The following EPS15 variants were observed in gnomAD, a reference collection of about 807,000 sequenced individuals.
EPS15 encodes the protein epidermal growth factor receptor pathway substrate 15, also known as epidermal growth factor receptor substrate 15.
A neutral mutation model predicts 113.8 loss-of-function variants in EPS15; 72 were observed. That is an observed-to-expected ratio of 0.63 (90% CI 0.52 to 0.77). The LOEUF is 0.77. Among genes scored for constraint, EPS15 ranks in the 30% least tolerant of loss-of-function variants. EPS15 has a pLI of 0.00. For missense variants in EPS15, 1,048 were observed against 1,045.8 expected, an observed-to-expected ratio of 1.00 and a Z score of -0.03; for synonymous variants, 344 against 363.4, an observed-to-expected ratio of 0.95 and a Z score of 0.61.
chr1:51,477,297 G>C (rs772724305), intron 2 of EPS15, among the ~76,000 whole-genome samples: 1 of 151,810 alleles, frequency 6.6e-6, no homozygotes, highest in African/African-American at 2.4e-5. Context: ...ATCGGTGGTG[G>C]TATCCCCTTT....
chr1:51,504,261 T>C (rs1644460504), intron 1 of EPS15, among the ~76,000 whole-genome samples: 2 of 151,778 alleles, frequency 1.3e-5, no homozygotes, highest in Admixed American at 6.6e-5. Flanking sequence ...ATAAAAACAA[T>C]TAGCTGGGCA....
chr1:51,363,297 CAA>C (rs34317809), intron 23 of EPS15, among the ~76,000 whole-genome samples: 33 of 76,710 alleles, frequency 4.3e-4, no homozygotes, highest in African/African-American at 6.5e-4. Flanking sequence ...GATTCCATCT[CAA>C]AAAAAAAAAA....
At chr1:51,469,094 C>T (rs116054649) in intron 4 of EPS15, among the ~76,000 whole-genome samples, 4,911 of 151,996 alleles carry the variant, frequency 0.032, 127 homozygotes, top group Non-Finnish European at 0.05. Context: ...CGGGCTACTG[C>T]GCTCTAGCCT....
At chr1:51,435,832 G>C (rs1184452920) in intron 12 of EPS15, among the ~76,000 whole-genome samples, 10 of 152,112 alleles carry the variant, frequency 6.6e-5, no homozygotes, top group Admixed American at 6.6e-4. Flanking sequence ...GGAAGAAGAG[G>C]AAAGAAAAGT....
chr1:51,421,966 T>C (rs1368071748), intron 12 of EPS15, 108 bp from the exon 13 acceptor site: 1 of 1,482,196 alleles, frequency 6.7e-7, no homozygotes, highest in Non-Finnish European at 9.1e-7. Context: ...TAGTGAAACA[T>C]TCAATTTTTA....
intron 1 of EPS15, among the ~76,000 whole-genome samples, chr1:51,514,566 T>C (rs1216166495): frequency 6.6e-6 from 1 of 152,184 alleles, no homozygotes; most frequent in Non-Finnish European, 1.5e-5. Context: ...TATCTTAGAT[T>C]AGGCCTTTAA....
chr1:51,461,521 TAA>T lies in EPS15; in HGVS notation c.502-373_502-372del, dbSNP rs34184025. On this transcript the variant is annotated intron_variant, in intron 7 of 24. Coordinates refer to ENST00000371733, the MANE Select transcript of EPS15 (RefSeq NM_001981.3). ...GGCAACGGAGCTAGACACTGTTTCT[TAA>T]AAAAAAAAAAAAAAAAAAAAAAAAG... 1.8e-4 allele frequency among the ~76,000 whole-genome samples: 15 copies of T among 85,070 alleles called. No individual in the cohort carries two copies. In the Admixed American group the frequency reaches 2.1e-3, roughly 12 times the overall value. 55.8% of individuals were successfully genotyped at this position (85,070 alleles called of 152,430 possible).
chr1:51,379,151 G>A (rs1188299051), intron 21 of EPS15, among the ~76,000 whole-genome samples: 1 of 152,098 alleles, frequency 6.6e-6, no homozygotes, highest in East Asian at 1.9e-4. Flanking sequence ...ATGGAGTCTC[G>A]TTCTGTCACC....
intron 15 of EPS15, among the ~76,000 whole-genome samples, chr1:51,407,852 G>C (rs1432665325): frequency 2.0e-5 from 3 of 152,116 alleles, no homozygotes; most frequent in African/African-American, 7.2e-5. Context: ...CTGATACTAA[G>C]GTGATTTAGC....
At chr1:51,457,203 C>T (rs970932062) in intron 8 of EPS15, among the ~76,000 whole-genome samples, 3 of 152,052 alleles carry the variant, frequency 2.0e-5, no homozygotes, top group Admixed American at 6.6e-5. Flanking sequence ...AGGAGAATGG[C>T]GTGAACCCAG....
At chr1:51,395,272 T>C (rs1647815022) in intron 20 of EPS15, among the ~76,000 whole-genome samples, 1 of 152,198 alleles carries the variant, frequency 6.6e-6, no homozygotes, top group African/African-American at 2.4e-5. Context: ...ATAGTACATC[T>C]ATTAAAACTA....
intron 12 of EPS15, chr1:51,423,300 T>C: frequency 7.8e-7 from 1 of 1,281,380 alleles, no homozygotes; most frequent in South Asian, 1.3e-5. Flanking sequence ...GATCCTTCCA[T>C]ACCTCAACCT....
At chr1:51,425,526 T>G (rs1651129330) in intron 12 of EPS15, among the ~76,000 whole-genome samples, 2 of 152,224 alleles carry the variant, frequency 1.3e-5, no homozygotes, top group Admixed American at 6.5e-5. Flanking sequence ...AACTAGAAAC[T>G]ATTAGAAACT....
chr1:51,375,101 A>C (rs1159232506), intron 21 of EPS15, among the ~76,000 whole-genome samples: 3 of 135,826 alleles, frequency 2.2e-5, no homozygotes, highest in Non-Finnish European at 4.5e-5. Context: ...TCCTCGGTTC[A>C]CGCCATTCTC....
chr1:51,462,477 G>A (rs1654536730), intron 7 of EPS15, among the ~76,000 whole-genome samples: 1 of 152,078 alleles, frequency 6.6e-6, no homozygotes, highest in African/African-American at 2.4e-5. Context: ...AGAGTGACTG[G>A]CAGTACGGAG....
intron 2 of EPS15, among the ~76,000 whole-genome samples, chr1:51,473,797 T>C (rs1003930756): frequency 6.6e-6 from 1 of 152,222 alleles, no homozygotes; most frequent in Non-Finnish European, 1.5e-5. Context: ...CAAAGCATTC[T>C]AGACAGTCCA....
intron 1 of EPS15, among the ~76,000 whole-genome samples, chr1:51,491,565 A>C (rs1644233300): frequency 1.3e-5 from 2 of 152,250 alleles, no homozygotes; most frequent in South Asian, 4.1e-4. Flanking sequence ...AGAATGAAAA[A>C]TAGTAAGGAG....
intron 13 of EPS15, among the ~76,000 whole-genome samples, chr1:51,412,321 C>CA (rs1649802531): frequency 1.3e-5 from 2 of 152,086 alleles, no homozygotes; most frequent in Non-Finnish European, 2.9e-5. Flanking sequence ...CACATGTATA[C>CA]CTATGTAACA....
chr1:51,384,996 C>T (rs779924041), intron 21 of EPS15, among the ~76,000 whole-genome samples: 12 of 152,108 alleles, frequency 7.9e-5, no homozygotes, highest in South Asian at 6.2e-4. Flanking sequence ...TAAAACTTAT[C>T]GGGGAAATGC....
Sources: allele counts gnomAD v4.1 joint callset (sites outside exome capture counted in the v4.1 genomes callset), GRCh38; gene constraint gnomAD v4.1.1; transcripts MANE v1.5; gene names NCBI Gene and HGNC (gene_info 2026-07-23, HGNC 2026-07-21).